Variants in DLGAP1 observed in about 807,000 individuals in gnomAD.
DLGAP1 encodes the protein disks large-associated protein 1.
A neutral mutation model predicts 90.8 loss-of-function variants in DLGAP1; 11 were observed. The observed-to-expected ratio is 0.12, with a 90% CI of 0.08 to 0.20. The LOEUF is 0.20. DLGAP1 is among the 10% of genes least tolerant of loss of function. DLGAP1 has a pLI of 1.00. For missense variants in DLGAP1, 1,050 were observed against 1,333.8 expected (o/e 0.79, Z 3.31); for synonymous variants, 558 against 540.7 (o/e 1.03, Z -0.44).
intron 1 of DLGAP1, among the ~76,000 whole-genome samples, chr18:4,166,959 G>GGTATGTACTT (rs2076943740): frequency 1.3e-5 from 2 of 152,134 alleles, no homozygotes; most frequent in African/African-American, 4.8e-5. Flanking sequence ...GATAATGTTT[G>GGTATGTACTT]CATAATAATG....
At chr18:3,820,045 G>T (rs764981891) in intron 4 of DLGAP1, among the ~76,000 whole-genome samples, 3 of 152,206 alleles carry the variant, frequency 2.0e-5, no homozygotes, top group Admixed American at 6.5e-5. Context: ...AGTTATCAAA[G>T]TGTAGCTAAA....
chr18:3,785,677 G>T (rs2065414965), intron 5 of DLGAP1, among the ~76,000 whole-genome samples: 1 of 152,194 alleles, frequency 6.6e-6, no homozygotes, highest in African/African-American at 2.4e-5. Flanking sequence ...GTCTGTCCAG[G>T]TGGGTTTGCA....
At chr18:3,530,107 T>C (rs546162558) in intron 10 of DLGAP1, among the ~76,000 whole-genome samples, 2 of 152,286 alleles carry the variant, frequency 1.3e-5, no homozygotes, top group South Asian at 4.1e-4. Flanking sequence ...CCAAGAGTCC[T>C]GTTGAAAGCC....
At chr18:3,516,989 T>A (rs1001874149) in intron 10 of DLGAP1, among the ~76,000 whole-genome samples, 2 of 152,234 alleles carry the variant, frequency 1.3e-5, no homozygotes. Flanking sequence ...AGGTGCATTG[T>A]CAGTGAGCAG....
intron 5 of DLGAP1, among the ~76,000 whole-genome samples, chr18:3,813,319 G>C (rs1326661309): frequency 6.6e-6 from 1 of 152,078 alleles, no homozygotes; most frequent in Non-Finnish European, 1.5e-5. Context: ...GTAATTTGCT[G>C]TATAGGTTTG....
At chr18:3,827,227 G>A (rs1352789804) in intron 4 of DLGAP1, among the ~76,000 whole-genome samples, 1 of 152,024 alleles carries the variant, frequency 6.6e-6, no homozygotes, top group South Asian at 2.1e-4. Context: ...GAATGAAGGA[G>A]GTGACCTAAG....
intron 4 of DLGAP1, among the ~76,000 whole-genome samples, chr18:3,822,905 G>A: frequency 6.6e-6 from 1 of 152,182 alleles, no homozygotes; most frequent in East Asian, 1.9e-4. Context: ...CAGCTACTTG[G>A]GAGGCTGAGG....
intron 7 of DLGAP1, among the ~76,000 whole-genome samples, chr18:3,637,996 G>C (rs996240120): frequency 1.4e-5 from 2 of 140,286 alleles, no homozygotes; most frequent in Non-Finnish European, 3.0e-5. Flanking sequence ...GCCCAGGCTG[G>C]AATGCAGTGG....
chr18:4,266,457 T>G (rs1745341415), intron 1 of DLGAP1, among the ~76,000 whole-genome samples: 1 of 152,240 alleles, frequency 6.6e-6, no homozygotes, highest in South Asian at 2.1e-4. Flanking sequence ...TTTGAAGGCC[T>G]CGCTAGATCA....
At chr18:3,506,772 T>C (rs2050251515) in intron 11 of DLGAP1, among the ~76,000 whole-genome samples, 1 of 151,824 alleles carries the variant, frequency 6.6e-6, no homozygotes, top group African/African-American at 2.4e-5. Flanking sequence ...TTATATAAGC[T>C]TTCTTATATT....
At chr18:4,099,333 ATCTATCTATCTATCTG>A (rs1281503612) in intron 2 of DLGAP1, among the ~76,000 whole-genome samples, 9 of 141,884 alleles carry the variant, frequency 6.3e-5, no homozygotes, top group African/African-American at 1.1e-4. Context: ...CTATCTATCT[ATCTATCTATCTATCTG>A]TCTGTCTGTC....
chr18:4,342,559 G>A lies in DLGAP1; in HGVS notation c.-267+112447C>T, dbSNP rs1455081987. On this transcript the variant is annotated intron_variant, in intron 1 of 12. Coordinates refer to ENST00000315677, the MANE Select transcript of DLGAP1 (RefSeq NM_004746.4). This position sits in a 1 kb window ranked among gnomAD's most constrained non-coding sequence, Gnocchi z 5.8. ...TGCATTTACTTGTAAATGCTTTGAT[G>A]AAATAATTTAATTACATCATTCTTT... Among the ~76,000 whole-genome samples the A allele has an allele frequency of 6.6e-6, 1 of 152,036 alleles. No individual in the cohort carries two copies. The highest frequency in any genetic ancestry group is 1.5e-5 in the Non-Finnish European group (1 of 68,012).
chr18:4,152,126 A>G (rs2076684637), intron 1 of DLGAP1, among the ~76,000 whole-genome samples: 1 of 152,182 alleles, frequency 6.6e-6, no homozygotes, highest in Non-Finnish European at 1.5e-5. Flanking sequence ...GTGACATAGA[A>G]AAGGACCTGG....
chr18:3,706,952 G>T, intron 7 of DLGAP1, among the ~76,000 whole-genome samples: 1 of 152,174 alleles, frequency 6.6e-6, no homozygotes, highest in East Asian at 1.9e-4. Context: ...GGGCGGAAAA[G>T]GAATTTTAAT....
At chr18:3,646,681 G>T (rs182754150) in intron 7 of DLGAP1, among the ~76,000 whole-genome samples, 94 of 151,924 alleles carry the variant, frequency 6.2e-4, no homozygotes, top group African/African-American at 2.1e-3. Flanking sequence ...TCCCAGCACT[G>T]TGGGAGGCCG....
In DLGAP1 at chr18:3,499,432, C is replaced by T; in HGVS notation, c.2725-38G>A. 1.9e-6 allele frequency: 3 copies of T among 1,544,758 alleles called. No individual in the cohort carries two copies. The highest frequency in any genetic ancestry group is 2.6e-6 in the Non-Finnish European group (3 of 1,144,184). On this transcript the variant is annotated intron_variant, in intron 12 of 12. Transcript: ENST00000315677. The surrounding 1 kb of genome is among the most constrained non-coding windows in gnomAD (Gnocchi z 6.4). ...GAAGGTTCAGGACATTACACAGCTT[C>T]TCAGGACAAGCTTGGGAAAAACTGG... is the stretch of plus-strand genomic sequence containing the variant.
At chr18:4,423,850 T>TAAA (rs1567910445) in intron 1 of DLGAP1, among the ~76,000 whole-genome samples, 63 of 7,860 alleles carry the variant, frequency 8.0e-3, no homozygotes, top group South Asian at 0.033. Flanking sequence ...GCCCAGGAAT[T>TAAA]TAAAAAAAAA....
At chr18:4,425,837 T>TC (rs914401654) in intron 1 of DLGAP1, among the ~76,000 whole-genome samples, 4 of 152,314 alleles carry the variant, frequency 2.6e-5, no homozygotes, top group African/African-American at 9.6e-5. Flanking sequence ...TTAGTGGTTT[T>TC]AGAGTTACTT....
At chr18:3,555,891 A>G (rs1771687199) in intron 9 of DLGAP1, among the ~76,000 whole-genome samples, 1 of 152,202 alleles carries the variant, frequency 6.6e-6, no homozygotes, top group South Asian at 2.1e-4. Context: ...TGTTTGAAGT[A>G]AAGTAAAGGA....
Sources: allele counts gnomAD v4.1 joint callset (sites outside exome capture counted in the v4.1 genomes callset), GRCh38; gene constraint gnomAD v4.1.1; non-coding constraint Gnocchi (gnomAD v3.1); transcripts MANE v1.5; gene names NCBI Gene and HGNC (gene_info 2026-07-23, HGNC 2026-07-21).